The following QKI variants were observed in gnomAD, a reference collection of about 807,000 sequenced individuals.
The protein encoded by QKI is KH domain-containing RNA-binding protein QKI.
A neutral mutation model predicts 39.0 loss-of-function variants in QKI; 10 were observed. The observed-to-expected ratio is 0.26, with a 90% CI of 0.16 to 0.43. The LOEUF is 0.43. Among genes scored for constraint, QKI ranks in the 20% least tolerant of loss-of-function variants. The pLI is 1.00. For missense variants in QKI, 218 were observed against 428.0 expected (o/e 0.51, Z 4.33); for synonymous variants, 204 against 155.4 (o/e 1.31, Z -2.33).
At chr6:163,562,579 C>T (rs748699245) in intron 5 of QKI, among the ~76,000 whole-genome samples, 1 of 151,920 alleles carries the variant, frequency 6.6e-6, no homozygotes, top group Non-Finnish European at 1.5e-5. Context: ...ACTCTTTTTC[C>T]GTCCTATTTT....
chr6:163,500,712 A>C (rs534073709), intron 3 of QKI, among the ~76,000 whole-genome samples: 1 of 152,326 alleles, frequency 6.6e-6, no homozygotes, highest in South Asian at 2.1e-4. Flanking sequence ...AATAAGACTT[A>C]AATTACAGAA....
chr6:163,499,791 G>A (rs1363410351), intron 3 of QKI, among the ~76,000 whole-genome samples: 2 of 151,936 alleles, frequency 1.3e-5, no homozygotes, highest in African/African-American at 4.8e-5. Context: ...TCCTACTCTG[G>A]ACTAGACACA....
At chr6:163,481,028 G>T (rs896796272) in intron 3 of QKI, among the ~76,000 whole-genome samples, 3 of 152,226 alleles carry the variant, frequency 2.0e-5, no homozygotes, top group African/African-American at 2.4e-5. Flanking sequence ...TGATTATACT[G>T]TTGCACTCTT....
intron 7 of QKI, chr6:163,567,172 A>AC: frequency 9.9e-7 from 1 of 1,010,192 alleles, no homozygotes; most frequent in Non-Finnish European, 1.2e-6. Context: ...AATGAATTGA[A>AC]CGGATGGTGC....
At chr6:163,527,584 A>T (rs1361592771) in intron 3 of QKI, among the ~76,000 whole-genome samples, 1 of 152,176 alleles carries the variant, frequency 6.6e-6, no homozygotes, top group Non-Finnish European at 1.5e-5. Context: ...GCTTCATGTT[A>T]TAGAATCCCT....
chr6:163,506,549 A>G (rs1009558962), intron 3 of QKI, among the ~76,000 whole-genome samples: 3 of 152,132 alleles, frequency 2.0e-5, no homozygotes, highest in Admixed American at 6.6e-5. Context: ...AGATTTTTCA[A>G]TGTATTTTCT....
At chr6:163,501,448 T>C (rs1167811854) in intron 3 of QKI, among the ~76,000 whole-genome samples, 1 of 152,232 alleles carries the variant, frequency 6.6e-6, no homozygotes, top group Non-Finnish European at 1.5e-5. Flanking sequence ...ATCTAATTGC[T>C]ATGTAATCAA....
intron 1 of QKI, chr6:163,415,843 A>C (rs1480382693): frequency 6.2e-6 from 3 of 486,204 alleles, no homozygotes; most frequent in Admixed American, 2.2e-5. Context: ...GTGAGGACTA[A>C]AGCGGGGTTT....
rs201282075 is a variant in QKI at position 163,549,207 on chromosome 6, A to AG, written c.547-12767dup. ...GTGGGAGGAGAGGCCAGAGAGGTTGAGGGGGGGGACATGAGGTTGGTGATG... is the reference window on the plus strand; with the variant it reads ...GTGGGAGGAGAGGCCAGAGAGGTTGAGGGGGGGGGACATGAGGTTGGTGATG... On this transcript the variant is annotated intron_variant, in intron 4 of 7. Transcript: ENST00000361752. Among the ~76,000 whole-genome samples the AG allele has an allele frequency of 1.4e-3, 219 of 151,050 alleles. 1 individual carries two copies. In the East Asian group the frequency reaches 0.02, roughly 14 times the overall value.
Position 163,575,011 on chromosome 6 carries a change from G to T in QKI, c.*4301G>T, listed in dbSNP as rs528284456. 4 of 152,122 alleles carry T rather than the reference G, an allele frequency of 2.6e-5. No individual in the cohort carries two copies. Among genetic ancestry groups the T allele is most frequent in the African/African-American group, 9.7e-5 (4 of 41,418 alleles). The allele number at this position is 152,122 out of a possible 1,614,324, so 9.4% of individuals were successfully genotyped here. ...GTTAGCTGATGTGAGTGATAACAGCGAATCACCATTGAGATGGTCATTTGG... is the reference window on the plus strand; with the variant it reads ...GTTAGCTGATGTGAGTGATAACAGCTAATCACCATTGAGATGGTCATTTGG... On this transcript the variant is annotated 3_prime_UTR_variant, in exon 8 of 8. Coordinates refer to ENST00000361752, the MANE Select transcript of QKI (RefSeq NM_006775.3).
At chr6:163,465,376 TC>T (rs1791658802) in intron 2 of QKI, among the ~76,000 whole-genome samples, 1 of 152,212 alleles carries the variant, frequency 6.6e-6, no homozygotes, top group East Asian at 1.9e-4. Context: ...TGGCTCTGAT[TC>T]CCAGCACTTT....
intron 3 of QKI, among the ~76,000 whole-genome samples, chr6:163,533,055 C>T (rs999830473): frequency 6.6e-6 from 1 of 151,668 alleles, no homozygotes; most frequent in Non-Finnish European, 1.5e-5. Flanking sequence ...AGAAGTCCCT[C>T]ATATATATGC....
chr6:163,459,521 C>T (rs950986727), intron 2 of QKI, among the ~76,000 whole-genome samples: 3 of 152,126 alleles, frequency 2.0e-5, no homozygotes, highest in African/African-American at 7.2e-5. Flanking sequence ...GTTAGTGATA[C>T]CAAGTCACTT....
chr6:163,433,395 A>C (rs928908141), intron 1 of QKI, among the ~76,000 whole-genome samples: 7 of 152,162 alleles, frequency 4.6e-5, no homozygotes, highest in Admixed American at 1.3e-4. Context: ...GAGTCTCTTT[A>C]ATTGTTAATG....
chr6:163,545,424 G>GT (rs890081763), intron 4 of QKI, among the ~76,000 whole-genome samples: 1 of 152,062 alleles, frequency 6.6e-6, no homozygotes, highest in Non-Finnish European at 1.5e-5. Context: ...CAAGGTATAG[G>GT]TTTTAAGACT....
At chr6:163,457,715 G>A (rs1226134244) in intron 2 of QKI, among the ~76,000 whole-genome samples, 2 of 151,690 alleles carry the variant, frequency 1.3e-5, no homozygotes, top group Non-Finnish European at 2.9e-5. Context: ...ATTTTGCCAG[G>A]CATCGTTTCA....
chr6:163,576,573 T>C lies in QKI; in HGVS notation c.*5863T>C, dbSNP rs924086225. The C allele has an allele frequency of 6.7e-6, 1 of 150,152 alleles. No homozygotes were observed. Among genetic ancestry groups the C allele is most frequent in the Non-Finnish European group, 1.5e-5 (1 of 67,758 alleles). The allele number at this position is 150,152 out of a possible 1,614,324, so 9.3% of individuals were successfully genotyped here. A position where few individuals can be genotyped will look rare whatever the true frequency, so the allele number is the denominator to read the frequency against. ...ACATTTAAAATTTTACTGTGGAAAT[T>C]GTGTATATATATATATATAGTCGAA... On this transcript the variant is annotated 3_prime_UTR_variant, in exon 8 of 8. Coordinates refer to ENST00000361752, the MANE Select transcript of QKI (RefSeq NM_006775.3).
At chr6:163,524,888 CACTA>C (rs1295579545) in intron 3 of QKI, among the ~76,000 whole-genome samples, 1 of 152,144 alleles carries the variant, frequency 6.6e-6, no homozygotes, top group East Asian at 1.9e-4. Context: ...GCTATCCGAA[CACTA>C]ACATTTAAAA....
At chr6:163,565,075 A>C (rs1196742953) in intron 6 of QKI, 1 of 1,054,686 alleles carries the variant, frequency 9.5e-7, no homozygotes, top group Non-Finnish European at 1.1e-6. Flanking sequence ...AATACATTTC[A>C]TTGTACATGT....
Sources: gnomAD v4.1 joint callset for allele counts (sites outside exome capture counted in the v4.1 genomes callset) on GRCh38, gnomAD v4.1.1 for gene constraint, MANE v1.5 for transcripts, NCBI Gene and HGNC (gene_info 2026-07-23, HGNC 2026-07-21) for gene names.